Variants in CCDC18 observed in about 807,000 individuals in gnomAD.
The protein encoded by CCDC18 is coiled-coil domain-containing protein 18.
In CCDC18, 157 loss-of-function variants were observed where a neutral mutation model predicts 196.0. The observed-to-expected ratio is 0.80, with a 90% CI of 0.70 to 0.91. The LOEUF is 0.91. CCDC18 is among the 40% of genes least tolerant of loss of function. The pLI, the probability that CCDC18 is intolerant of heterozygous loss-of-function variation, is 0.00. For missense variants in CCDC18, 1,465 were observed against 1,611.6 expected (o/e 0.91, Z 1.56); for synonymous variants, 482 against 529.2 (o/e 0.91, Z 1.22).
chr1:93,180,442 C>G, upstream of CCDC18: 1 of 1,316,344 alleles, frequency 7.6e-7, no homozygotes. Flanking sequence ...GCGGGGCTAG[C>G]AGTCCTATTC....
intron 1 of CCDC18, among the ~76,000 whole-genome samples, chr1:93,181,718 C>T (rs1243494915): frequency 1.3e-5 from 2 of 152,064 alleles, no homozygotes; most frequent in African/African-American, 4.8e-5. Context: ...CAGGTTCAAG[C>T]AATTCTCTGC....
chr1:93,181,895 G>A (rs899368689), intron 1 of CCDC18, among the ~76,000 whole-genome samples: 2 of 152,318 alleles, frequency 1.3e-5, no homozygotes, highest in East Asian at 1.9e-4. Flanking sequence ...GATTACCGGC[G>A]TGAGCCACCG....
At chr1:93,219,137 T>C (rs2102162331) in intron 14 of CCDC18, among the ~76,000 whole-genome samples, 1 of 152,314 alleles carries the variant, frequency 6.6e-6, no homozygotes, top group South Asian at 2.1e-4. Context: ...AGTTGGAACA[T>C]GTTTTCTGTT....
chr1:93,192,367 A>C (rs1375840680), intron 5 of CCDC18, among the ~76,000 whole-genome samples: 1 of 152,182 alleles, frequency 6.6e-6, no homozygotes, highest in Non-Finnish European at 1.5e-5. Context: ...TCATTTCTTC[A>C]CCTACATAGA....
At chr1:93,262,798 C>T (rs1663991029) in intron 26 of CCDC18, among the ~76,000 whole-genome samples, 1 of 152,148 alleles carries the variant, frequency 6.6e-6, no homozygotes, top group African/African-American at 2.4e-5. Context: ...GGGGCTCCAA[C>T]CTCACATTTC....
At position 93,258,066 on chromosome 1, in the gene CCDC18, A is replaced by G. The variant is rs529756823; in HGVS notation, c.3547-682A>G. 2.7e-5 allele frequency among the ~76,000 whole-genome samples: 4 copies of G among 150,402 alleles called. No homozygotes were observed. The South Asian group carries it at 8.3e-4, about 31-fold the overall frequency. The stretch of plus-strand genomic sequence containing the variant: ...AATTAATTAAAAGACATTAATTAAA[A>G]TTAAAATAATTAAATTAATTAAAAT... On this transcript the variant is annotated intron_variant, in intron 25 of 28. Transcript: ENST00000690025.
chr1:93,243,706 A>G (rs1661134477), intron 21 of CCDC18, among the ~76,000 whole-genome samples: 1 of 152,208 alleles, frequency 6.6e-6, no homozygotes, highest in Non-Finnish European at 1.5e-5. Flanking sequence ...TCAAAATTCC[A>G]CAAATCTCTA....
intron 26 of CCDC18, among the ~76,000 whole-genome samples, chr1:93,261,224 T>C (rs1412282446): frequency 6.6e-6 from 1 of 152,174 alleles, no homozygotes; most frequent in East Asian, 1.9e-4. Context: ...AGAAAATCAC[T>C]TAATAATAAA....
intron 7 of CCDC18, among the ~76,000 whole-genome samples, chr1:93,204,580 C>T (rs192671278): frequency 6.6e-6 from 1 of 152,012 alleles, no homozygotes. Flanking sequence ...ATTATCATGA[C>T]AGCTACATGA....
chr1:93,215,242 A>G (rs1364117840), intron 12 of CCDC18, among the ~76,000 whole-genome samples: 1 of 152,180 alleles, frequency 6.6e-6, no homozygotes, highest in Non-Finnish European at 1.5e-5. Flanking sequence ...TATTTCTTCC[A>G]TAGTATAAGT....
intron 25 of CCDC18, among the ~76,000 whole-genome samples, chr1:93,257,273 CAAATTTGTAACTATT>C (rs1663140752): frequency 7.0e-6 from 1 of 143,574 alleles, no homozygotes; most frequent in African/African-American, 2.6e-5. Flanking sequence ...GAAAACTATC[CAAATTTGTAACTATT>C]AAATTTGTAA....
intron 28 of CCDC18, among the ~76,000 whole-genome samples, chr1:93,278,121 G>C (rs1040536941): frequency 6.6e-5 from 10 of 151,924 alleles, no homozygotes; most frequent in Admixed American, 6.6e-5. Flanking sequence ...TGACTAGCTG[G>C]GATTACAGAC....
chr1:93,223,339 A>G (rs190745573), intron 16 of CCDC18, among the ~76,000 whole-genome samples: 19 of 152,332 alleles, frequency 1.2e-4, no homozygotes, highest in Admixed American at 1.2e-3. Context: ...AGTAAGAAAT[A>G]TAGAAGCCAA....
rs1660526681 is a variant in CCDC18, at chr1:93,239,832, C to T, written c.2917C>T (p.Gln973Ter). Residue 973 changes from glutamine to a stop codon, truncating the protein, a stop_gained, in exon 21 of 29, where the codon CAG becomes TAG. Coordinates refer to ENST00000690025, the MANE Select transcript of CCDC18 (RefSeq NM_001378204.1). LOFTEE classifies it high-confidence loss of function. The stretch of plus-strand genomic sequence containing the variant: ...ACTCCAGGAATTGAGAGATGTACTA[C>T]AGAAGGCTCAATTATCATTAGAGGA... ...RQLQELRDVLQKAQLSLEEKY... is the reference protein window; with the variant it reads ...RQLQELRDVL 3 of 1,613,144 alleles carry T rather than the reference C, an allele frequency of 1.9e-6. No homozygotes were observed. Among genetic ancestry groups the T allele is most frequent in the Non-Finnish European group, 1.7e-6 (2 of 1,179,410 alleles).
intron 28 of CCDC18, among the ~76,000 whole-genome samples, chr1:93,272,703 A>G (rs1224178521): frequency 6.6e-6 from 1 of 152,204 alleles, no homozygotes; most frequent in East Asian, 1.9e-4. Flanking sequence ...ATGGAAAGAG[A>G]GGAAATAGAA....
rs917181552 is a variant in CCDC18, at chr1:93,270,688, T to C, written c.4227T>C (p.Tyr1409=). 2.6e-6 allele frequency: 4 copies of C among 1,550,298 alleles called. No individual in the cohort carries two copies. Among genetic ancestry groups the C allele is most frequent in the East Asian group, 4.9e-5 (2 of 40,882 alleles). The part of the protein sequence containing the change: ...TQPDSFKPLT[Y]NLEADSSENN... ...CAGACTCATTTAAACCTCTCACATA[T>C]AACCTAGAAGCTGATAGTTCTGAGA... Residue 1409 remains tyrosine, a synonymous_variant, in exon 28 of 29, where the codon TAT becomes TAC. Transcript: ENST00000690025.
intron 17 of CCDC18, among the ~76,000 whole-genome samples, chr1:93,232,100 G>T (rs947999911): frequency 1.3e-5 from 2 of 152,156 alleles, no homozygotes; most frequent in South Asian, 4.1e-4. Flanking sequence ...ACAATGACCA[G>T]CCTACAAGTA....
chr1:93,210,952 T>A (rs1306137426), intron 10 of CCDC18, 26 bp downstream of exon 10: 1 of 1,611,808 alleles, frequency 6.2e-7, no homozygotes, highest in South Asian at 1.1e-5. Flanking sequence ...TCTGCAGTTA[T>A]AGCAAATAGA....
intron 2 of CCDC18, among the ~76,000 whole-genome samples, 167 bp from the exon 3 acceptor site, chr1:93,183,811 A>G (rs1650161611): frequency 6.6e-6 from 1 of 152,026 alleles, no homozygotes; most frequent in Non-Finnish European, 1.5e-5. Context: ...TGCTAGTTTA[A>G]AAGTAATTAT....
Sources: gnomAD v4.1 joint callset for allele counts (sites outside exome capture counted in the v4.1 genomes callset) on GRCh38, gnomAD v4.1.1 for gene constraint, MANE v1.5 for transcripts, NCBI Gene and HGNC (gene_info 2026-07-23, HGNC 2026-07-21) for gene names.